Variants in SMAP1 observed in about 807,000 individuals in gnomAD.
SMAP1 encodes the protein small ArfGAP 1.
In SMAP1, 24 loss-of-function variants were observed where a neutral mutation model predicts 58.5. That is an observed-to-expected ratio of 0.41 (90% CI 0.30 to 0.58). The LOEUF (loss-of-function observed/expected upper bound fraction) is 0.58, where lower values mean the gene tolerates loss of function less well. Ranked by LOEUF, SMAP1 falls within the 20% of genes least tolerant of loss-of-function variation. SMAP1 has a pLI of 0.29. For missense variants in SMAP1, 563 were observed against 566.3 expected (o/e 0.99, Z 0.06); for synonymous variants, 216 against 196.6 (o/e 1.10, Z -0.82).
At chr6:70,704,404 A>T (rs1175448970) in intron 1 of SMAP1, among the ~76,000 whole-genome samples, 1 of 152,346 alleles carries the variant, frequency 6.6e-6, no homozygotes, top group Admixed American at 6.5e-5. Context: ...TGTGCTCTTC[A>T]TATATAAATT....
chr6:70,767,962 G>C (rs574499517), intron 3 of SMAP1, among the ~76,000 whole-genome samples: 43 of 148,626 alleles, frequency 2.9e-4, no homozygotes, highest in South Asian at 1.1e-3. Context: ...TAGCATGAAG[G>C]GTTGTTGAAT....
chr6:70,762,351 A>G (rs1766785888), intron 3 of SMAP1, among the ~76,000 whole-genome samples: 1 of 152,166 alleles, frequency 6.6e-6, no homozygotes, highest in African/African-American at 2.4e-5. Flanking sequence ...TGAGTGATTG[A>G]AACATAGACC....
chr6:70,741,098 CA>C (rs1765796510), intron 2 of SMAP1, among the ~76,000 whole-genome samples: 2 of 152,138 alleles, frequency 1.3e-5, no homozygotes, highest in Non-Finnish European at 2.9e-5. Flanking sequence ...ACAGCCAAAC[CA>C]TACCATTCCA....
intron 4 of SMAP1, among the ~76,000 whole-genome samples, chr6:70,787,980 A>G (rs1234535403): frequency 6.6e-6 from 1 of 152,132 alleles, no homozygotes; most frequent in Non-Finnish European, 1.5e-5. Flanking sequence ...AAATCGTGCT[A>G]CTATAAAGAC....
intron 4 of SMAP1, among the ~76,000 whole-genome samples, chr6:70,788,549 T>C (rs1321398677): frequency 2.0e-5 from 3 of 152,160 alleles, no homozygotes; most frequent in Non-Finnish European, 4.4e-5. Flanking sequence ...AGGAATACTT[T>C]GAATATTTCC....
intron 6 of SMAP1, among the ~76,000 whole-genome samples, chr6:70,816,960 A>C (rs1272583189): frequency 6.6e-6 from 1 of 152,016 alleles, no homozygotes; most frequent in South Asian, 2.1e-4. Context: ...AAAAGAAGCA[A>C]ATGTCTATTT....
chr6:70,844,793 A>G (rs901204061), intron 7 of SMAP1, among the ~76,000 whole-genome samples: 1 of 152,240 alleles, frequency 6.6e-6, no homozygotes, highest in Non-Finnish European at 1.5e-5. Flanking sequence ...GTGTTTTAAT[A>G]TAAAGGAATT....
At chr6:70,714,511 A>G (rs1338706937) in intron 1 of SMAP1, among the ~76,000 whole-genome samples, 1 of 152,070 alleles carries the variant, frequency 6.6e-6, no homozygotes, top group Admixed American at 6.6e-5. Flanking sequence ...ATTATATGTT[A>G]TTGAGTTACA....
chr6:70,829,509 A>G (rs1455788391), intron 6 of SMAP1, among the ~76,000 whole-genome samples: 1 of 152,170 alleles, frequency 6.6e-6, no homozygotes, highest in Non-Finnish European at 1.5e-5. Context: ...TTTTTGATAG[A>G]TAGAAATTAT....
intron 5 of SMAP1, 88 bp from the exon 6 acceptor site, chr6:70,798,569 C>A (rs1768706737): frequency 1.0e-6 from 1 of 953,830 alleles, no homozygotes; most frequent in Non-Finnish European, 1.5e-6. Flanking sequence ...CTACCTTTTT[C>A]AGATGATTAC....
intron 7 of SMAP1, among the ~76,000 whole-genome samples, chr6:70,840,776 C>T (rs757389633): frequency 9.9e-5 from 15 of 152,184 alleles, no homozygotes; most frequent in East Asian, 3.8e-4. Context: ...TGACTTGCCT[C>T]GTCTTAGAAA....
chr6:70,689,802 A>G (rs911867167), intron 1 of SMAP1, among the ~76,000 whole-genome samples: 1 of 152,062 alleles, frequency 6.6e-6, no homozygotes, highest in African/African-American at 2.4e-5. Context: ...AGATTTTTCC[A>G]TAAGGTTTTA....
intron 1 of SMAP1, among the ~76,000 whole-genome samples, chr6:70,711,689 G>A (rs560396193): frequency 2.0e-5 from 3 of 151,764 alleles, no homozygotes; most frequent in African/African-American, 7.2e-5. Context: ...CACCATGCCC[G>A]GCTAATTTTT....
intron 3 of SMAP1, among the ~76,000 whole-genome samples, chr6:70,769,307 G>A (rs1442887138): frequency 1.3e-5 from 2 of 152,152 alleles, no homozygotes; most frequent in Admixed American, 6.5e-5. Context: ...GGGTATCCTT[G>A]TTAACTTTCT....
At chr6:70,776,029 A>G (rs1182244285) in intron 4 of SMAP1, among the ~76,000 whole-genome samples, 1 of 152,198 alleles carries the variant, frequency 6.6e-6, no homozygotes, top group Non-Finnish European at 1.5e-5. Flanking sequence ...ATCTCCTAGG[A>G]TACTAAAACA....
At chr6:70,674,114 TTTTTTTTTTC>T (rs1404931744) in intron 1 of SMAP1, among the ~76,000 whole-genome samples, 14 of 149,502 alleles carry the variant, frequency 9.4e-5, no homozygotes, top group East Asian at 7.8e-4. Flanking sequence ...TGCTTTGGCA[TTTTTTTTTTC>T]TTTTTTTTTC....
intron 3 of SMAP1, among the ~76,000 whole-genome samples, chr6:70,768,673 C>G (rs897557407): frequency 8.6e-5 from 13 of 151,410 alleles, no homozygotes; most frequent in Non-Finnish European, 1.6e-4. Flanking sequence ...AGTGGTCTAT[C>G]AATTTTGTTG....
At chr6:70,720,279 G>A (rs888281037) in intron 1 of SMAP1, among the ~76,000 whole-genome samples, 1 of 152,196 alleles carries the variant, frequency 6.6e-6, no homozygotes, top group African/African-American at 2.4e-5. Context: ...CATGAGTGCA[G>A]GTCTTGCATC....
At chr6:70,842,706 G>A (rs966480390) in intron 7 of SMAP1, among the ~76,000 whole-genome samples, 1 of 152,098 alleles carries the variant, frequency 6.6e-6, no homozygotes, top group African/African-American at 2.4e-5. Context: ...AGACACGGTG[G>A]TTTGGGGCCG....
Sources: gnomAD v4.1 joint callset for allele counts (sites outside exome capture counted in the v4.1 genomes callset) on GRCh38, gnomAD v4.1.1 for gene constraint, MANE v1.5 for transcripts, NCBI Gene and HGNC (gene_info 2026-07-23, HGNC 2026-07-21) for gene names.